CAST: variants seen among roughly 807,000 people sequenced by gnomAD.
CAST encodes calpastatin.
CAST carries 76 observed loss-of-function variants against 119.6 expected under a neutral mutation model. That is an observed-to-expected ratio of 0.64 (90% CI 0.53 to 0.77). The LOEUF is 0.77. CAST is among the 30% of genes least tolerant of loss of function. The pLI is 0.00. For synonymous variants in CAST, 319 were observed against 331.6 expected (o/e 0.96, Z 0.41); for missense variants, 953 against 946.5 (o/e 1.01, Z -0.09).
chr5:95,990,514 G>A, the CAST span, among the ~76,000 whole-genome samples: 2,506 of 152,004 alleles, frequency 0.016, 31 homozygotes, highest in Middle Eastern at 0.034. Context: ...GAAGAAAAAG[G>A]AAACATCTAC....
Position 96,603,087 on chromosome 5 carries a change from T to C in CAST, c.61-72452T>C, listed in dbSNP as rs139741911. Among the ~76,000 whole-genome samples the C allele has an allele frequency of 4.5e-4, 68 of 152,338 alleles. No individual in the cohort carries two copies. The East Asian group carries it at 0.012, about 28-fold the overall frequency. On this transcript the variant is annotated intron_variant, in intron 1 of 11. Coordinates refer to the CAST transcript ENST00000505143. The stretch of plus-strand genomic sequence containing the variant: ...AGAATTGCCTTCCAAGGTTTAAATT[T>C]TGAAATCAATGCGTAATGGATCATA...
At chr5:96,496,170 TA>T in the CAST span, among the ~76,000 whole-genome samples, 2 of 152,230 alleles carry the variant, frequency 1.3e-5, no homozygotes, top group Non-Finnish European at 2.9e-5. Flanking sequence ...AATGTCATTT[TA>T]TTTTAGTCTT....
At chr5:96,209,510 G>T in the CAST span, among the ~76,000 whole-genome samples, 1 of 152,104 alleles carries the variant, frequency 6.6e-6, no homozygotes, top group East Asian at 1.9e-4. Context: ...GGCAGGTCTG[G>T]TGATAATTAA....
the CAST span, among the ~76,000 whole-genome samples, chr5:96,167,403 T>G: frequency 6.6e-6 from 1 of 152,248 alleles, no homozygotes; most frequent in African/African-American, 2.4e-5. Context: ...GCAGTCCAAG[T>G]TGGTCTGGTG....
intron 3 of CAST, among the ~76,000 whole-genome samples, chr5:96,713,453 T>C (rs1048256607): frequency 6.6e-6 from 1 of 152,024 alleles, no homozygotes; most frequent in African/African-American, 2.4e-5. Context: ...TCTTATACCA[T>C]AATCATATCA....
At chr5:96,596,342 G>A (rs935620493) in intron 1 of CAST, among the ~76,000 whole-genome samples, 2 of 152,112 alleles carry the variant, frequency 1.3e-5, no homozygotes, top group South Asian at 2.1e-4. Flanking sequence ...TACAAGCCAA[G>A]GAATACAGTC....
chr5:96,554,975 C>T (rs576959723), intron 1 of CAST, among the ~76,000 whole-genome samples: 33 of 152,220 alleles, frequency 2.2e-4, no homozygotes, highest in East Asian at 3.9e-4. Context: ...TTAGTTCAAC[C>T]GTTGTGGAAG....
the CAST span, among the ~76,000 whole-genome samples, chr5:96,461,577 A>G: frequency 6.6e-6 from 1 of 152,090 alleles, no homozygotes; most frequent in Non-Finnish European, 1.5e-5. Flanking sequence ...ATTAGATAGA[A>G]TGATTCTGAA....
the CAST span, among the ~76,000 whole-genome samples, chr5:96,309,295 C>T: frequency 6.6e-6 from 1 of 152,200 alleles, no homozygotes; most frequent in African/African-American, 2.4e-5. Context: ...TGGTGGATAC[C>T]CTTCTCCCCA....
At chr5:96,475,724 G>C in the CAST span, among the ~76,000 whole-genome samples, 1 of 152,184 alleles carries the variant, frequency 6.6e-6, no homozygotes, top group Admixed American at 6.5e-5. Flanking sequence ...GAAGGGATGT[G>C]AATTGGCAAT....
At chr5:96,371,513 G>A in the CAST span, among the ~76,000 whole-genome samples, 1 of 152,194 alleles carries the variant, frequency 6.6e-6, no homozygotes, top group Non-Finnish European at 1.5e-5. Context: ...TATTGTCACT[G>A]ACATGGAGAT....
chr5:96,283,401 G>T, the CAST span, among the ~76,000 whole-genome samples: 2 of 152,172 alleles, frequency 1.3e-5, no homozygotes, highest in African/African-American at 4.8e-5. Flanking sequence ...GGCACATACA[G>T]GACTAACTTT....
intron 1 of CAST, among the ~76,000 whole-genome samples, chr5:96,651,745 C>T (rs1472271173): frequency 6.6e-6 from 1 of 152,224 alleles, no homozygotes; most frequent in Non-Finnish European, 1.5e-5. Context: ...TAGCTTTCTC[C>T]ATTCTGTAAA....
chr5:96,401,103 AAAAAAAAAAG>A, the CAST span, among the ~76,000 whole-genome samples: 9 of 151,362 alleles, frequency 5.9e-5, no homozygotes, highest in African/African-American at 2.2e-4. Context: ...AAAAAAAAAA[AAAAAAAAAAG>A]AAGTTTACAA....
the CAST span, among the ~76,000 whole-genome samples, chr5:96,368,586 G>A: frequency 2.0e-5 from 3 of 151,588 alleles, no homozygotes; most frequent in African/African-American, 7.3e-5. Context: ...TCTTCCTCTT[G>A]GAGCCTTCTG....
the CAST span, among the ~76,000 whole-genome samples, chr5:96,439,199 T>A: frequency 6.6e-6 from 1 of 152,198 alleles, no homozygotes; most frequent in Non-Finnish European, 1.5e-5. Flanking sequence ...GCTACTATAC[T>A]TTCAGGTAAA....
chr5:96,468,950 T>C, the CAST span, among the ~76,000 whole-genome samples: 7 of 152,106 alleles, frequency 4.6e-5, no homozygotes, highest in African/African-American at 1.4e-4. Flanking sequence ...AAAAATAATA[T>C]GTGCTTGACT....
At chr5:96,153,058 CT>C in the CAST span, among the ~76,000 whole-genome samples, 1 of 152,226 alleles carries the variant, frequency 6.6e-6, no homozygotes, top group Non-Finnish European at 1.5e-5. Flanking sequence ...AAGATAGGCT[CT>C]TTGGTACTCA....
intron 1 of CAST, among the ~76,000 whole-genome samples, chr5:96,606,777 T>C (rs1580843284): frequency 6.6e-6 from 1 of 152,186 alleles, no homozygotes; most frequent in East Asian, 1.9e-4. Context: ...CTCTAGGGAT[T>C]TGGTGCTTAC....
Sources: gnomAD v4.1 joint callset for allele counts (sites outside exome capture counted in the v4.1 genomes callset) on GRCh38, gnomAD v4.1.1 for gene constraint, MANE v1.5 for transcripts, NCBI Gene and HGNC (gene_info 2026-07-23, HGNC 2026-07-21) for gene names.